The following EXTL3 variants were observed in gnomAD, a reference collection of about 807,000 sequenced individuals.
EXTL3 encodes the protein exostosin-like 3.
Under a neutral mutation model 69.3 loss-of-function variants are expected in EXTL3, and 27 were observed. That is an observed-to-expected ratio of 0.39 (90% confidence interval 0.29 to 0.54). The LOEUF (loss-of-function observed/expected upper bound fraction) is 0.54. Among genes scored for constraint, EXTL3 ranks in the 20% least tolerant of loss-of-function variants. EXTL3 has a pLI of 0.69. For missense variants in EXTL3, 1,003 were observed against 1,231.8 expected (o/e 0.81, Z 2.78); for synonymous variants, 511 against 499.4 (o/e 1.02, Z -0.31).
At chr8:28,693,299 GC>G (rs1800640983) in intron 1 of EXTL3, among the ~76,000 whole-genome samples, 1 of 151,900 alleles carries the variant, frequency 6.6e-6, no homozygotes, top group South Asian at 2.1e-4. Flanking sequence ...ACAGGCGCCC[GC>G]CACCACACCA....
chr8:28,670,980 TTTAA>T (rs202159949), intron 1 of EXTL3, among the ~76,000 whole-genome samples: 48 of 116,122 alleles, frequency 4.1e-4, no homozygotes, highest in Middle Eastern at 5.0e-3. Context: ...GTTTTTTTTT[TTTAA>T]TTAATTTATT....
chr8:28,683,797 G>A (rs995010745), intron 1 of EXTL3, among the ~76,000 whole-genome samples: 2 of 151,716 alleles, frequency 1.3e-5, no homozygotes, highest in African/African-American at 2.4e-5. Context: ...GCCACAGTGT[G>A]AGACTCCGTC....
chr8:28,618,243 G>A (rs769206169), upstream of EXTL3, among the ~76,000 whole-genome samples: 20 of 151,876 alleles, frequency 1.3e-4, no homozygotes, highest in Non-Finnish European at 2.6e-4. Flanking sequence ...GAGGCGGGTG[G>A]GTCCTCTGAA....
chr8:28,718,328 C>A, intron 3 of EXTL3, 121 bp downstream of exon 3: 2 of 965,400 alleles, frequency 2.1e-6, no homozygotes, highest in Non-Finnish European at 3.2e-6. Context: ...CATGCATACT[C>A]ATGAAAAACC....
At chr8:28,733,816 G>A (rs1303722490) in intron 4 of EXTL3, among the ~76,000 whole-genome samples, 1 of 147,724 alleles carries the variant, frequency 6.8e-6, no homozygotes, top group Middle Eastern at 3.6e-3. Context: ...TTGGATTGTC[G>A]TCTTTTTTTT....
At chr8:28,713,324 C>T in intron 1 of EXTL3, 133 bp from the exon 2 acceptor site, 1 of 576,688 alleles carries the variant, frequency 1.7e-6, no homozygotes, top group Non-Finnish European at 3.0e-6. Context: ...TATTTGGTGA[C>T]CTCATGTACA....
intron 1 of EXTL3, chr8:28,678,194 G>GT (rs1248769448): frequency 6.6e-6 from 1 of 152,402 alleles, no homozygotes; most frequent in Admixed American, 6.5e-5. Flanking sequence ...AGCCTGAGTG[G>GT]TGAGTGTGCA....
At chr8:28,713,613 C>T (rs972181831) in intron 2 of EXTL3, 63 bp downstream of exon 2, 38 of 687,522 alleles carry the variant, frequency 5.5e-5, no homozygotes, top group Admixed American at 5.0e-4. Context: ...TTCTTCCATT[C>T]TGTTGTTTCT....
intron 1 of EXTL3, among the ~76,000 whole-genome samples, chr8:28,677,736 G>T (rs1201098904): frequency 6.7e-6 from 1 of 150,000 alleles, no homozygotes; most frequent in Non-Finnish European, 1.5e-5. Context: ...GTTCTGTTAC[G>T]AAAAAAAAAC....
At chr8:28,687,553 A>C (rs1165189572) in intron 1 of EXTL3, among the ~76,000 whole-genome samples, 2 of 152,228 alleles carry the variant, frequency 1.3e-5, no homozygotes, top group Non-Finnish European at 2.9e-5. Flanking sequence ...AGTCTCTATA[A>C]ATTTGGTTTG....
intron 1 of EXTL3, among the ~76,000 whole-genome samples, chr8:28,713,046 C>T (rs1801063731): frequency 6.6e-6 from 1 of 152,230 alleles, no homozygotes; most frequent in South Asian, 2.1e-4. Flanking sequence ...TTTCTACCCG[C>T]AAACATTCCC....
intron 1 of EXTL3, among the ~76,000 whole-genome samples, chr8:28,642,398 A>G (rs1806758864): frequency 6.7e-6 from 1 of 150,088 alleles, no homozygotes; most frequent in African/African-American, 2.5e-5. Flanking sequence ...GTGAGCCAAG[A>G]TTGCACCACT....
intron 3 of EXTL3, among the ~76,000 whole-genome samples, chr8:28,729,464 T>C (rs1185051385): frequency 6.0e-5 from 9 of 150,484 alleles, no homozygotes; most frequent in Non-Finnish European, 1.0e-4. Flanking sequence ...GGCGTGGTGG[T>C]AGGCGCCTGT....
At position 28,715,874 on chromosome 8, in the gene EXTL3, G is replaced by A. The variant is rs989439217; in HGVS notation, c.-186G>A. Reference sequence around the variant, plus strand: ...CCAGAACTTAAAATCTGCTGGAATAGGGTCAGAGACCATTTCAGCTGCAGC... The same window carrying A: ...CCAGAACTTAAAATCTGCTGGAATAAGGTCAGAGACCATTTCAGCTGCAGC... On this transcript the variant is annotated 5_prime_UTR_variant, in exon 3 of 7. Transcript: ENST00000220562. 83 of 596,666 alleles carry A rather than the reference G, an allele frequency of 1.4e-4. No individual in the cohort carries two copies. Among genetic ancestry groups the A allele is most frequent in the African/African-American group, 1.4e-3 (75 of 53,940 alleles). The allele number at this position is 596,666 out of a possible 1,614,324, so 37.0% of individuals were successfully genotyped here. A position where few individuals can be genotyped will look rare whatever the true frequency, so the allele number is the denominator to read the frequency against.
At chr8:28,660,438 C>T (rs918167305) in intron 1 of EXTL3, among the ~76,000 whole-genome samples, 1 of 151,860 alleles carries the variant, frequency 6.6e-6, no homozygotes, top group African/African-American at 2.4e-5. Context: ...TACAAACATA[C>T]ACATACTGTA....
At chr8:28,674,315 C>G (rs1563201334) in intron 1 of EXTL3, among the ~76,000 whole-genome samples, 1 of 152,208 alleles carries the variant, frequency 6.6e-6, no homozygotes, top group African/African-American at 2.4e-5. Context: ...TCAAGTGATC[C>G]TCCCACTTTG....
intron 2 of EXTL3, among the ~76,000 whole-genome samples, chr8:28,612,910 G>A (rs1174184773): frequency 1.3e-5 from 2 of 152,068 alleles, no homozygotes; most frequent in Non-Finnish European, 2.9e-5. Flanking sequence ...GTAGAGATGA[G>A]GTCTTACTAT....
At position 28,709,830 on chromosome 8, in the gene EXTL3, A is replaced by C. The variant is rs73568807; in HGVS notation, c.-569-3627A>C. ...AGAGGAGGAGGGCCCTGGTACGTGG[A>C]GGTGGAGGGGCGAGAAGGTGAAGGG... On this transcript the variant is annotated intron_variant, in intron 1 of 6. Coordinates refer to ENST00000220562, the MANE Select transcript of EXTL3 (RefSeq NM_001440.4). Among the ~76,000 whole-genome samples, 541 of 152,174 alleles carry C rather than the reference A, an allele frequency of 3.6e-3. 1 individual carries two copies. The highest frequency in any genetic ancestry group is 0.012 in the African/African-American group (513 of 41,510).
Position 28,706,723 on chromosome 8 carries a change from T to C in EXTL3, c.-570+5064T>C, listed in dbSNP as rs142344195. ...AAGGTTAAACATATAAACATGTTTA[T>C]CACTTGAACCCTTTTTTTGTGTAAC... On this transcript the variant is annotated intron_variant, in intron 1 of 6. Transcript: ENST00000220562. Among the ~76,000 whole-genome samples, 53 of 152,366 alleles carry C rather than the reference T, an allele frequency of 3.5e-4. No individual in the cohort carries two copies. In the East Asian group the frequency reaches 5.0e-3, roughly 14 times the overall value.
Sources: allele counts gnomAD v4.1 joint callset (sites outside exome capture counted in the v4.1 genomes callset), GRCh38; gene constraint gnomAD v4.1.1; transcripts MANE v1.5; gene names NCBI Gene and HGNC (gene_info 2026-07-23, HGNC 2026-07-21).